NAV1: variants seen among roughly 807,000 people sequenced by gnomAD.
NAV1 encodes the protein pore membrane and/or filament interacting like protein 3.
In NAV1, 18 loss-of-function variants were observed where a neutral mutation model predicts 175.2. The ratio of observed to expected loss-of-function variants is 0.10; its 90% confidence interval spans 0.07 to 0.15. NAV1 has a LOEUF of 0.15. Among genes scored for constraint, NAV1 ranks in the 10% least tolerant of loss-of-function variants. NAV1 has a pLI of 1.00. For missense variants in NAV1, 1,731 were observed against 2,436.6 expected, an observed-to-expected ratio of 0.71 and a Z score of 6.10; for synonymous variants, 897 against 978.7, an observed-to-expected ratio of 0.92 and a Z score of 1.56.
At chr1:201,786,272 C>T (rs553584702) in intron 8 of NAV1, among the ~76,000 whole-genome samples, 157 bp from the exon 13 acceptor site, 2 of 152,294 alleles carry the variant, frequency 1.3e-5, no homozygotes, top group South Asian at 4.1e-4. Flanking sequence ...GTCGCCACCT[C>T]TTACTCCCTC....
intron 1 of NAV1, among the ~76,000 whole-genome samples, chr1:201,581,831 A>C (rs1196021108): frequency 1.3e-5 from 2 of 152,060 alleles, no homozygotes; most frequent in Non-Finnish European, 2.9e-5. Context: ...TCTGTATCAA[A>C]AAAGAAAAAA....
chr1:201,583,264 T>C (rs1167075482), intron 1 of NAV1, among the ~76,000 whole-genome samples: 1 of 152,264 alleles, frequency 6.6e-6, no homozygotes, highest in East Asian at 1.9e-4. Flanking sequence ...ATCGCTGTGC[T>C]TGTCGGAGAG....
chr1:201,652,031 C>T (rs1033540060), intron 1 of NAV1, among the ~76,000 whole-genome samples: 19 of 152,006 alleles, frequency 1.2e-4, no homozygotes, highest in Non-Finnish European at 1.5e-4. Flanking sequence ...AGAGGGAATT[C>T]GTCTTCCAGA....
In NAV1 at chr1:201,799,176, C is replaced by CTGTGTGTGTGTG. The variant is rs56994916; in HGVS notation, c.3518-4408_3518-4397dup. ...ACTTATTTTCAAATTGTTCAAGAAA[C>CTGTGTGTGTGTG]TGTGTGTGTGTGTGTGTGTGGAGAG... On this transcript the variant is annotated intron_variant, in intron 15 of 29. Coordinates refer to ENST00000367296, the Ensembl canonical transcript of NAV1. 2.2e-3 allele frequency among the ~76,000 whole-genome samples: 324 copies of CTGTGTGTGTGTG among 150,698 alleles called. 2 individuals carry two copies. Among genetic ancestry groups the CTGTGTGTGTGTG allele is most frequent in the Non-Finnish European group, 4.0e-3 (268 of 67,608 alleles).
chr1:201,735,192 G>C (rs754718904), intron 3 of NAV1, among the ~76,000 whole-genome samples: 1 of 152,176 alleles, frequency 6.6e-6, no homozygotes, highest in Non-Finnish European at 1.5e-5. Flanking sequence ...CCACACCAGG[G>C]AGGGAGTTGG....
At chr1:201,739,880 G>A (rs1673289220) in intron 3 of NAV1, 2 of 1,285,962 alleles carry the variant, frequency 1.6e-6, no homozygotes, top group South Asian at 5.5e-5. Context: ...AGAAAAGGGA[G>A]CGGAGGGCAG....
At chr1:201,797,645 C>T (rs1677543665) in intron 15 of NAV1, 1 of 152,152 alleles carries the variant, frequency 6.6e-6, no homozygotes, top group African/African-American at 2.4e-5. Flanking sequence ...AACAGGCATG[C>T]CTTTATCTAA....
At chr1:201,794,213 G>A (rs745730334) in intron 14 of NAV1, 19 of 629,590 alleles carry the variant, frequency 3.0e-5, no homozygotes, top group East Asian at 6.7e-5. Context: ...GTGCACTGGC[G>A]CGATCTTGGC....
chr1:201,698,410 G>A (rs545365857), intron 1 of NAV1, among the ~76,000 whole-genome samples: 2 of 152,364 alleles, frequency 1.3e-5, no homozygotes, highest in East Asian at 3.9e-4. Flanking sequence ...CCTCAAGACA[G>A]TGGCTAAGTG....
chr1:201,708,690 C>T (rs765416597), intron 1 of NAV1, among the ~76,000 whole-genome samples: 3 of 152,158 alleles, frequency 2.0e-5, no homozygotes, highest in Admixed American at 6.5e-5. Flanking sequence ...CTGAGCACGT[C>T]CTCCACTTAG....
chr1:201,731,359 G>A (rs1240481658), intron 3 of NAV1, among the ~76,000 whole-genome samples: 3 of 152,026 alleles, frequency 2.0e-5, no homozygotes, highest in East Asian at 1.9e-4. Flanking sequence ...GGGGGTGTGC[G>A]GCAACCAGAC....
chr1:201,714,552 G>C (rs1672056869), intron 2 of NAV1, among the ~76,000 whole-genome samples: 2 of 152,146 alleles, frequency 1.3e-5, no homozygotes, highest in South Asian at 4.1e-4. Flanking sequence ...GGGGCTCCAG[G>C]ACCCCCTTAC....
At chr1:201,685,475 G>A (rs1670649942) in intron 1 of NAV1, among the ~76,000 whole-genome samples, 1 of 152,172 alleles carries the variant, frequency 6.6e-6, no homozygotes, top group Admixed American at 6.5e-5. Context: ...GTAGGAAACA[G>A]CTTGTAATCA....
intron 29 of NAV1, 44 bp downstream of exon 33, chr1:201,817,329 A>C: frequency 1.3e-6 from 2 of 1,573,146 alleles, no homozygotes; most frequent in Non-Finnish European, 1.7e-6. Flanking sequence ...CTATTATAGA[A>C]CTGAATTATT....
intron 1 of NAV1, among the ~76,000 whole-genome samples, chr1:201,685,078 A>AC (rs35720335): frequency 0.85 from 129,130 of 151,572 alleles, 55,068 homozygotes; most frequent in East Asian, 0.93. Flanking sequence ...AGAAATTCGC[A>AC]CTGGCCAACA....
At chr1:201,659,436 C>G (rs1015462056) in intron 1 of NAV1, among the ~76,000 whole-genome samples, 2 of 152,102 alleles carry the variant, frequency 1.3e-5, no homozygotes, top group African/African-American at 4.8e-5. Flanking sequence ...GGCAACAAAG[C>G]AAGACTACAT....
chr1:201,759,090 ATTG>A (rs1674683053), intron 3 of NAV1, among the ~76,000 whole-genome samples: 2 of 152,340 alleles, frequency 1.3e-5, no homozygotes, highest in Admixed American at 6.5e-5. Context: ...TATGGTAACT[ATTG>A]TTGTAATAAC....
intron 1 of NAV1, among the ~76,000 whole-genome samples, chr1:201,584,614 C>T (rs555087408): frequency 9.0e-4 from 137 of 152,304 alleles, no homozygotes; most frequent in Admixed American, 1.6e-3. Flanking sequence ...TTGTGATGTG[C>T]CTGTGTCCAG....
At chr1:201,673,331 A>G (rs1273799116) in intron 1 of NAV1, 1 of 152,248 alleles carries the variant, frequency 6.6e-6, no homozygotes, top group African/African-American at 2.4e-5. Flanking sequence ...CACACTTATC[A>G]GATTTCATTT....
Sources: allele counts gnomAD v4.1 joint callset (sites outside exome capture counted in the v4.1 genomes callset), GRCh38; gene constraint gnomAD v4.1.1; transcripts MANE v1.5; gene names NCBI Gene and HGNC (gene_info 2026-07-23, HGNC 2026-07-21).